RBM12B: variants seen among roughly 807,000 people sequenced by gnomAD.
RBM12B encodes the protein RNA-binding protein 12B.
Under a neutral mutation model 34.3 loss-of-function variants are expected in RBM12B, and 10 were observed. That is an observed-to-expected ratio of 0.29 (90% CI 0.18 to 0.49). RBM12B has a LOEUF of 0.49. Among genes scored for constraint, RBM12B ranks in the 20% least tolerant of loss-of-function variants. The pLI, the probability that RBM12B is intolerant of heterozygous loss-of-function variation, is 0.99. For missense variants in RBM12B, 1,139 were observed against 1,262.7 expected (o/e 0.90, Z 1.48); for synonymous variants, 477 against 437.1 (o/e 1.09, Z -1.14).
Position 93,735,852 on chromosome 8 carries a change from T to G in RBM12B, c.559A>C (p.Lys187Gln). 6.2e-7 allele frequency: 1 copy of G among 1,614,016 alleles called. No individual in the cohort carries two copies. Among genetic ancestry groups the G allele is most frequent in the African/African-American group, 1.3e-5 (1 of 75,036 alleles). ...CCATTATTTCGGCCATCATGATGTT[T>G]TAAGAAAATTACTCCATCCACGCAC... ...GLCVDGVIFL[K>Q]HHDGRNNGDA... The change falls in exon 4 of 4, where the codon AAA (lysine) becomes CAA (glutamine). Residue 187 changes from lysine (K) to glutamine (Q), a missense_variant. Physicochemically the swap from Lys to Gln is moderately conservative, Grantham distance 53. Transcript: ENST00000520560.
At chr8:93,737,939 G>A (rs923166485) in intron 2 of RBM12B, among the ~76,000 whole-genome samples, 2 of 151,700 alleles carry the variant, frequency 1.3e-5, no homozygotes, top group East Asian at 3.9e-4. Context: ...TCAAATTAAG[G>A]CAACCATTCA....
In RBM12B at chr8:93,733,353, T is replaced by C; in HGVS notation, c.*52A>G. On this transcript the variant is annotated 3_prime_UTR_variant, in exon 4 of 4. Coordinates refer to ENST00000520560, the MANE Select transcript of RBM12B (RefSeq NM_001377960.1). ...AACACTTTTTTAAAACAAATGTATT[T>C]TACTCCATCAATACTGCAAGGAAGA... 1 of 1,392,734 alleles carries C rather than the reference T, an allele frequency of 7.2e-7. No homozygotes were observed. Among genetic ancestry groups the C allele is most frequent in the Non-Finnish European group, 9.4e-7 (1 of 1,058,546 alleles). 86.3% of individuals were successfully genotyped at this position (1,392,734 alleles called of 1,614,324 possible).
In RBM12B at chr8:93,735,108, C is replaced by G; in HGVS notation, c.1303G>C (p.Asp435His). The change falls in exon 4 of 4, where the codon GAT (aspartate) becomes CAT (histidine). Residue 435 changes from aspartate (D) to histidine (H), a missense_variant. Transcript: ENST00000520560. ...TCTCCCAGACCAACACCTTTGTCAT[C>G]ATAAAGCAAGTAAATGTCATCCTCA... Reference protein sequence around the residue: ...LAEDDIYLLYDDKGVGLGEAL... With the variant: ...LAEDDIYLLYHDKGVGLGEAL... 1 of 1,614,158 alleles carries G rather than the reference C, an allele frequency of 6.2e-7. No individual in the cohort carries two copies. The highest frequency in any genetic ancestry group is 8.5e-7 in the Non-Finnish European group (1 of 1,180,042).
chr8:93,737,827 AAAG>A (rs1302355423), intron 2 of RBM12B, among the ~76,000 whole-genome samples: 2 of 140,406 alleles, frequency 1.4e-5, no homozygotes, highest in African/African-American at 5.4e-5. Flanking sequence ...AAAAAAAAAA[AAAG>A]AACTTCAATC....
chr8:93,733,648 T>G lies in RBM12B; in HGVS notation c.2763A>C (p.Ser921=), dbSNP rs945411491. 1.9e-6 allele frequency: 3 copies of G among 1,613,984 alleles called. No individual in the cohort carries two copies. Among genetic ancestry groups the G allele is most frequent in the Non-Finnish European group, 2.5e-6 (3 of 1,180,030 alleles). The change falls in exon 4 of 4, where the codon TCA becomes TCC. Residue 921 remains serine, a synonymous_variant. Transcript: ENST00000520560. ...TTATCTTAATAGGAGTTACTCTACCTGAACCACAATTTATTTTTGGATCAG... is the reference window on the plus strand; with the variant it reads ...TTATCTTAATAGGAGTTACTCTACCGGAACCACAATTTATTTTTGGATCAG... The part of the protein sequence containing the change: ...FMPDPKINCG[S]GRVTPIKIMN...
chr8:93,736,776 T>C lies in RBM12B; in HGVS notation c.-28-338A>G, dbSNP rs1812034415. ...ACTTTCAGACTCATTTAGAATCTTATCTTCTACTGAAACATGAGAGCTTTG... is the reference window on the plus strand; with the variant it reads ...ACTTTCAGACTCATTTAGAATCTTACCTTCTACTGAAACATGAGAGCTTTG... On this transcript the variant is annotated intron_variant, in intron 3 of 3. Transcript: ENST00000520560. Among the ~76,000 whole-genome samples, 11 of 152,364 alleles carry C rather than the reference T, an allele frequency of 7.2e-5. 1 individual carries two copies. The South Asian group carries it at 2.3e-3, about 32-fold the overall frequency.
Position 93,736,115 on chromosome 8 carries a change from C to T in RBM12B, c.296G>A (p.Gly99Glu), listed in dbSNP as rs1353661359. Residue 99 changes from glycine to glutamate, a missense_variant, in exon 4 of 4, where the codon GGG (glycine) becomes GAG (glutamate). This residue lies in a region of RBM12B where 216 missense variants were observed against 292.2 expected (regional missense o/e 0.74). Coordinates refer to ENST00000520560, the MANE Select transcript of RBM12B (RefSeq NM_001377960.1). ...AGACAGGCTGTCAACCCCTGATGTC[C>T]CAGATCCTGGACGCCCTCTTCCTAC... ...DRVGRGRPGS[G>E]TSGVDSLSNF... 1 of 1,614,156 alleles carries T rather than the reference C, an allele frequency of 6.2e-7. No individual in the cohort carries two copies.
chr8:93,735,283 C>T lies in RBM12B; in HGVS notation c.1128G>A (p.Gly376=), dbSNP rs368650811. ...FIARYEKKRS[G]SLERDRPGHV... is the part of the protein sequence containing the mutation. ...GTCCGGGCCTATCTCTCTCTAGTGA[C>T]CCTGATCTCTTCTTTTCATAACGTG... Residue 376 remains glycine (G), a synonymous_variant, in exon 4 of 4, where the codon GGG becomes GGA. Transcript: ENST00000520560. The T allele has an allele frequency of 1.5e-5, 24 of 1,613,876 alleles. No homozygotes were observed. Among genetic ancestry groups the T allele is most frequent in the Non-Finnish European group, 1.9e-5 (22 of 1,180,006 alleles).
chr8:93,740,287 G>C (rs772070769), intron 2 of RBM12B: 2 of 456,948 alleles, frequency 4.4e-6, no homozygotes, highest in Admixed American at 2.3e-5. Flanking sequence ...CCTCAAACGG[G>C]AATCATCCGA....
In RBM12B at chr8:93,733,556, G is replaced by C; in HGVS notation, c.2855C>G (p.Pro952Arg). 1 of 1,613,168 alleles carries C rather than the reference G, an allele frequency of 6.2e-7. No individual in the cohort carries two copies. Among genetic ancestry groups the C allele is most frequent in the African/African-American group, 1.3e-5 (1 of 74,936 alleles). The change falls in exon 4 of 4, where the codon CCT becomes CGT. Residue 952 changes from proline (P) to arginine (R), a missense_variant. Around this residue, in one of 3 missense-constraint regions of RBM12B, gnomAD observed 60 missense variants for 101.0 expected, o/e 0.59. Coordinates refer to ENST00000520560, the MANE Select transcript of RBM12B (RefSeq NM_001377960.1). ...LDFFHGYRII[P>R]DSVSIQYNEQ... Reference sequence around the variant, plus strand: ...ATTATACTGTATCGAAACTGAATCAGGTATGATTCTGTAACCATGGAAAAA... The same window carrying C: ...ATTATACTGTATCGAAACTGAATCACGTATGATTCTGTAACCATGGAAAAA...
intron 2 of RBM12B, among the ~76,000 whole-genome samples, chr8:93,738,546 C>T (rs978424981): frequency 7.2e-5 from 11 of 152,156 alleles, no homozygotes. Context: ...ACTACAGCCT[C>T]GACTTACCCA....
At position 93,733,320 on chromosome 8, in the gene RBM12B, A is replaced by T. The variant is rs1032902847; in HGVS notation, c.*85T>A. 99 of 942,924 alleles carry T rather than the reference A, an allele frequency of 1.0e-4. No individual in the cohort carries two copies. The highest frequency in any genetic ancestry group is 3.8e-4 in the Middle Eastern group (1 of 2,640). The allele number at this position is 942,924 out of a possible 1,614,324, so 58.4% of individuals were successfully genotyped here. A position where few individuals can be genotyped will look rare whatever the true frequency, so the allele number is the denominator to read the frequency against. On this transcript the variant is annotated 3_prime_UTR_variant, in exon 4 of 4. Coordinates refer to ENST00000520560, the MANE Select transcript of RBM12B (RefSeq NM_001377960.1). ...AATAAAATATTTCATTAGATAATTT[A>T]AAAAAAAAACACTTTTTTAAAACAA...
rs769684402 is a variant in RBM12B at position 93,734,084 on chromosome 8, G to C, written c.2327C>G (p.Pro776Arg). The change falls in exon 4 of 4, where the codon CCG becomes CGG. Residue 776 changes from proline to arginine, a missense_variant. Around this residue, in one of 3 missense-constraint regions of RBM12B, gnomAD observed 863 missense variants for 869.5 expected, o/e 0.99. Coordinates refer to ENST00000520560, the MANE Select transcript of RBM12B (RefSeq NM_001377960.1). ...CTGGGGCGGTCTCCGGAAGTGCTCCGGGGGCGGGCGCCTGAAATGCTCTGG... is the reference window on the plus strand; with the variant it reads ...CTGGGGCGGTCTCCGGAAGTGCTCCCGGGGCGGGCGCCTGAAATGCTCTGG... ...PPPEHFRRPP[P>R]EHFRRPPQEH... 6.4e-7 allele frequency: 1 copy of C among 1,563,204 alleles called. No individual in the cohort carries two copies. The highest frequency in any genetic ancestry group is 1.4e-5 in the African/African-American group (1 of 72,558).
Position 93,736,443 on chromosome 8 carries a change from A to T in RBM12B, c.-28-5T>A. 6.6e-7 allele frequency: 1 copy of T among 1,516,898 alleles called. No homozygotes were observed. Among genetic ancestry groups the T allele is most frequent in the East Asian group, 2.3e-5 (1 of 44,222 alleles). The allele number at this position is 1,516,898 out of a possible 1,614,324, so 94.0% of individuals were successfully genotyped here. On this transcript the variant is annotated splice_polypyrimidine_tract_variant and splice_region_variant and intron_variant, in intron 3 of 3. Coordinates refer to ENST00000520560, the MANE Select transcript of RBM12B (RefSeq NM_001377960.1). Reference sequence around the variant, plus strand: ...TCAAACCACAGCAATAATGACCTGCAGACAAAAAGGTACACATAATAGCAA... The same window carrying T: ...TCAAACCACAGCAATAATGACCTGCTGACAAAAAGGTACACATAATAGCAA...
At position 93,734,073 on chromosome 8, in the gene RBM12B, G is replaced by T. The variant is rs368230663; in HGVS notation, c.2338C>A (p.Arg780=). The change falls in exon 4 of 4, where the codon CGG becomes AGG. Residue 780 remains arginine (R), a synonymous_variant. Transcript: ENST00000520560. ...CTGAAATGCTCCTGGGGCGGTCTCC[G>T]GAAGTGCTCCGGGGGCGGGCGCCTG... ...HFRRPPPEHF[R]RPPQEHFRRP... is the part of the protein sequence containing the mutation. 1 of 1,573,300 alleles carries T rather than the reference G, an allele frequency of 6.4e-7. No individual in the cohort carries two copies. The highest frequency in any genetic ancestry group is 8.6e-7 in the Non-Finnish European group (1 of 1,163,072).
chr8:93,735,623 T>C lies in RBM12B; in HGVS notation c.788A>G (p.His263Arg). The C allele has an allele frequency of 6.2e-7, 1 of 1,614,108 alleles. No individual in the cohort carries two copies. The highest frequency in any genetic ancestry group is 1.1e-5 in the South Asian group (1 of 91,086). Residue 263 changes from histidine to arginine, a missense_variant, in exon 4 of 4, where the codon CAT becomes CGT. By Grantham distance (29) the His-to-Arg change is conservative. Transcript: ENST00000520560. ...HSPPRGINDR[H>R]FRKRSHSKSP... ...TTTTGAATGAGACCGTTTTCGAAAA[T>C]GTCTATCATTAATTCCTCTTGGTGG...
Position 93,728,487 on chromosome 8 carries a change from TCCTA to T in RBM12B, c.*4914_*4917del, listed in dbSNP as rs1811645946. On this transcript the variant is annotated 3_prime_UTR_variant, in exon 4 of 4. Transcript: ENST00000520560. ...ATATTGCATACCAGTCATTTCAACA[TCCTA>T]CCTAGTGTTACATGATTTTTGTGTA... The T allele has an allele frequency of 2.2e-6, 1 of 450,764 alleles. No homozygotes were observed. The highest frequency in any genetic ancestry group is 3.9e-6 in the Non-Finnish European group (1 of 253,324). 27.9% of individuals were successfully genotyped at this position (450,764 alleles called of 1,614,324 possible).
Position 93,734,791 on chromosome 8 carries a change from G to A in RBM12B, c.1620C>T (p.Phe540=), listed in dbSNP as rs772666570. The part of the protein sequence containing the change: ...QLEDLRQLDN[F]KHPQRDFRQP... ...GCCGGAAATCCCTCTGGGGATGCTT[G>A]AAGTTATCCAGTTGCCTCAAGTCCT... The change falls in exon 4 of 4, where the codon TTC becomes TTT. Residue 540 remains phenylalanine, a synonymous_variant. Transcript: ENST00000520560. 1 of 1,614,074 alleles carries A rather than the reference G, an allele frequency of 6.2e-7. No homozygotes were observed. The highest frequency in any genetic ancestry group is 1.3e-5 in the African/African-American group (1 of 74,918).
At position 93,731,435 on chromosome 8, in the gene RBM12B, ACAAT is replaced by A. The variant is rs1412746643; in HGVS notation, c.*1966_*1969del. On this transcript the variant is annotated 3_prime_UTR_variant, in exon 4 of 4. Coordinates refer to ENST00000520560, the MANE Select transcript of RBM12B (RefSeq NM_001377960.1). ...ATTGTGCTTGGTTTGGATATTCCAA[ACAAT>A]CAATTTAACATTATCCTAGCTACTT... 3 of 152,196 alleles carry A rather than the reference ACAAT, an allele frequency of 2.0e-5. No individual in the cohort carries two copies. The highest frequency in any genetic ancestry group is 6.5e-5 in the Admixed American group (1 of 15,286). The allele number at this position is 152,196 out of a possible 1,614,324, so 9.4% of individuals were successfully genotyped here.
Sources: gnomAD v4.1 joint callset for allele counts (sites outside exome capture counted in the v4.1 genomes callset) on GRCh38, gnomAD v4.1.1 for gene constraint, gnomAD v4.1.1 regional missense constraint, MANE v1.5 for transcripts, NCBI Gene and HGNC (gene_info 2026-07-23, HGNC 2026-07-21) for gene names.